CACNA1B: variants seen among roughly 807,000 people sequenced by gnomAD.
CACNA1B encodes calcium voltage-gated channel subunit alpha1 B.
CACNA1B carries 70 observed loss-of-function variants against 247.2 expected under a neutral mutation model. That is an observed-to-expected ratio of 0.28 (90% confidence interval 0.23 to 0.35). CACNA1B has a LOEUF of 0.35. Among genes scored for constraint, CACNA1B ranks in the 10% least tolerant of loss-of-function variants. CACNA1B has a pLI of 1.00. For synonymous variants in CACNA1B, 1,231 were observed against 1,294.4 expected (o/e 0.95, Z 1.05); for missense variants, 2,367 against 3,197.4 (o/e 0.74, Z 6.26).
chr9:137,934,635 G>A (rs1052528719), intron 6 of CACNA1B, among the ~76,000 whole-genome samples: 1 of 152,224 alleles, frequency 6.6e-6, no homozygotes, highest in African/African-American at 2.4e-5. Context: ...CCCACAGACA[G>A]TTCATATCAC....
chr9:138,055,477 A>G (rs1206422882), intron 26 of CACNA1B, among the ~76,000 whole-genome samples: 3 of 151,946 alleles, frequency 2.0e-5, no homozygotes, highest in African/African-American at 7.2e-5. Flanking sequence ...TTATTCTTTT[A>G]TGCTGAGTAC....
intron 13 of CACNA1B, among the ~76,000 whole-genome samples, chr9:137,985,253 A>G (rs1958343052): frequency 6.6e-6 from 1 of 152,236 alleles, no homozygotes; most frequent in Non-Finnish European, 1.5e-5. Context: ...GAAGCTATAA[A>G]GGCAGAAGAG....
At chr9:137,903,717 A>G (rs1957265637) in intron 3 of CACNA1B, among the ~76,000 whole-genome samples, 2 of 152,288 alleles carry the variant, frequency 1.3e-5, no homozygotes, top group African/African-American at 4.8e-5. Flanking sequence ...CCATCCAGGA[A>G]TGTAGTATGT....
At position 138,056,841 on chromosome 9, in the gene CACNA1B, G is replaced by A. The variant is rs1429473132; in HGVS notation, c.3969-891G>A. ...TATTTGCCTTTCCCTGATGATGAGTGGTGTTGAGCAGCGTTTCATGTGCTT... is the reference window on the plus strand; with the variant it reads ...TATTTGCCTTTCCCTGATGATGAGTAGTGTTGAGCAGCGTTTCATGTGCTT... On this transcript the variant is annotated intron_variant, in intron 26 of 46. Transcript: ENST00000371372. 2.6e-5 allele frequency among the ~76,000 whole-genome samples: 4 copies of A among 151,684 alleles called. 1 individual carries two copies. Among genetic ancestry groups the A allele is most frequent in the Admixed American group, 2.0e-4 (3 of 15,230 alleles).
rs1358491157 is a variant in CACNA1B, at chr9:138,120,789, T to C, written c.6397T>C (p.Phe2133Leu). ...GCAGCGCTTCTACTCCTGCGACCGC[T>C]TTGGGGGCCGTGAGCCCCCGAAGCC... is the stretch of plus-strand genomic sequence containing the variant. ...EKQRFYSCDR[F>L]GGREPPKPKP... Residue 2133 changes from phenylalanine to leucine, a missense_variant, in exon 46 of 47, where the codon TTT becomes CTT. This residue lies in a region of CACNA1B where 773 missense variants were observed against 779.4 expected (regional missense o/e 0.99). Transcript: ENST00000371372. The C allele has an allele frequency of 6.4e-7, 1 of 1,555,830 alleles. No individual in the cohort carries two copies. The highest frequency in any genetic ancestry group is 2.4e-5 in the East Asian group (1 of 41,350).
At chr9:138,009,878 G>T (rs914479357) in intron 16 of CACNA1B, 132 bp from the exon 17 acceptor site, 2 of 677,162 alleles carry the variant, frequency 3.0e-6, no homozygotes, top group Non-Finnish European at 5.3e-6. Flanking sequence ...CTGGGGATGG[G>T]GCCTTGGGGA....
intron 3 of CACNA1B, among the ~76,000 whole-genome samples, chr9:137,893,374 G>C (rs948207504): frequency 2.7e-5 from 4 of 150,414 alleles, no homozygotes; most frequent in Non-Finnish European, 4.4e-5. Flanking sequence ...AAAAACACTG[G>C]GTGCGGTGGC....
rs1958144431 is a variant in CACNA1B, at chr9:137,971,312, T to G, written c.1334-71T>G. On this transcript the variant is annotated intron_variant, in intron 10 of 46. Coordinates refer to ENST00000371372, the MANE Select transcript of CACNA1B (RefSeq NM_000718.4). The surrounding 1 kb of genome is among the most constrained non-coding windows in gnomAD (Gnocchi z 4.4). ...GCAGGTGTCCTCCAGAGTGCGTCTGTGGGGGTCCACAGGTGGGGTAGGCGG... is the reference window on the plus strand; with the variant it reads ...GCAGGTGTCCTCCAGAGTGCGTCTGGGGGGGTCCACAGGTGGGGTAGGCGG... The G allele has an allele frequency of 8.9e-7, 1 of 1,123,938 alleles. No individual in the cohort carries two copies. Among genetic ancestry groups the G allele is most frequent in the African/African-American group, 1.5e-5 (1 of 65,190 alleles). 69.6% of individuals were successfully genotyped at this position (1,123,938 alleles called of 1,614,324 possible).
At chr9:137,908,852 C>T (rs1957327656) in intron 3 of CACNA1B, among the ~76,000 whole-genome samples, 1 of 151,714 alleles carries the variant, frequency 6.6e-6, no homozygotes, top group South Asian at 2.1e-4. Flanking sequence ...AGGATGGTCT[C>T]GATCTCCTGA....
In CACNA1B at chr9:138,007,017, G is replaced by A. The variant is rs1189624348; in HGVS notation, c.2092+133G>A. The A allele has an allele frequency of 9.7e-6, 6 of 620,270 alleles. No homozygotes were observed. The highest frequency in any genetic ancestry group is 1.5e-5 in the Non-Finnish European group (5 of 336,442). 38.4% of individuals were successfully genotyped at this position (620,270 alleles called of 1,614,324 possible). A position where few individuals can be genotyped will look rare whatever the true frequency, so the allele number is the denominator to read the frequency against. ...AGGTGCATTCTCAGAGCTGAGTGCA[G>A]ATGGAGAACATTCTGCAGGTGGCCG... On this transcript the variant is annotated intron_variant, in intron 16 of 46. Coordinates refer to ENST00000371372, the MANE Select transcript of CACNA1B (RefSeq NM_000718.4). The surrounding 1 kb of genome is among the most constrained non-coding windows in gnomAD (Gnocchi z 4.1).
chr9:137,970,129 G>A (rs1958128886), intron 10 of CACNA1B, among the ~76,000 whole-genome samples: 1 of 152,170 alleles, frequency 6.6e-6, no homozygotes, highest in Admixed American at 6.5e-5. Flanking sequence ...GAACCTGGGT[G>A]TGCACACATA....
chr9:138,022,323 G>A (rs750112037), intron 18 of CACNA1B, among the ~76,000 whole-genome samples: 2 of 152,180 alleles, frequency 1.3e-5, no homozygotes, highest in Non-Finnish European at 2.9e-5. Flanking sequence ...CACTGAGCCA[G>A]GGGGCAGCTG....
chr9:137,935,349 C>T (rs542160936), intron 6 of CACNA1B, among the ~76,000 whole-genome samples: 61 of 152,160 alleles, frequency 4.0e-4, no homozygotes, highest in African/African-American at 1.3e-3. Flanking sequence ...TGAGAACATG[C>T]GGTGTTTGGT....
chr9:138,066,465 A>G (rs1343291739), intron 31 of CACNA1B, among the ~76,000 whole-genome samples: 1 of 152,060 alleles, frequency 6.6e-6, no homozygotes, highest in Non-Finnish European at 1.5e-5. Context: ...AGAGAGAGAG[A>G]GAGGCAGGGA....
intron 39 of CACNA1B, among the ~76,000 whole-genome samples, chr9:138,112,156 A>C (rs1961661229): frequency 7.1e-6 from 1 of 140,314 alleles, no homozygotes; most frequent in East Asian, 1.9e-4. Flanking sequence ...ACACGTGTGC[A>C]CATGAGGTGG....
intron 24 of CACNA1B, 116 bp downstream of exon 24, chr9:138,049,431 C>G (rs1959212838): frequency 1.4e-6 from 1 of 732,502 alleles, no homozygotes; most frequent in African/African-American, 1.7e-5. Flanking sequence ...GCCTGTGGCT[C>G]TGTTGCTGTC....
In CACNA1B at chr9:138,057,916, G is replaced by C. The variant is rs199593214; in HGVS notation, c.4106+47G>C. On this transcript the variant is annotated intron_variant, in intron 27 of 46. Transcript: ENST00000371372. This position sits in a 1 kb window ranked among gnomAD's most constrained non-coding sequence, Gnocchi z 4.0. ...CGTAGCTGGGGCAGGCAGCCCCTGAGCTCGGCCTCCCTTCCTCCCTCTATC... is the reference window on the plus strand; with the variant it reads ...CGTAGCTGGGGCAGGCAGCCCCTGACCTCGGCCTCCCTTCCTCCCTCTATC... 27 of 1,589,220 alleles carry C rather than the reference G, an allele frequency of 1.7e-5. No homozygotes were observed. Among genetic ancestry groups the C allele is most frequent in the Middle Eastern group, 3.6e-4 (2 of 5,498 alleles).
chr9:138,066,953 G>A (rs1208389977), intron 31 of CACNA1B, among the ~76,000 whole-genome samples: 1 of 152,086 alleles, frequency 6.6e-6, no homozygotes, highest in East Asian at 1.9e-4. Context: ...GTTCTTTAAA[G>A]ACTTAAAAAT....
chr9:138,113,699 C>T (rs1961745797), intron 40 of CACNA1B, among the ~76,000 whole-genome samples: 1 of 132,316 alleles, frequency 7.6e-6, no homozygotes, highest in Non-Finnish European at 1.6e-5. Context: ...GGAAGGTGCC[C>T]AACTGCATCT....
Sources: allele counts gnomAD v4.1 joint callset (sites outside exome capture counted in the v4.1 genomes callset), GRCh38; gene constraint gnomAD v4.1.1; regional missense constraint gnomAD v4.1.1; non-coding constraint Gnocchi (gnomAD v3.1); transcripts MANE v1.5; gene names NCBI Gene and HGNC (gene_info 2026-07-23, HGNC 2026-07-21).